The following TMEM132C variants were observed in gnomAD, a reference collection of about 807,000 sequenced individuals.
The protein encoded by TMEM132C is protein phosphatase 1, regulatory subunit 152.
A neutral mutation model predicts 61.4 loss-of-function variants in TMEM132C; 29 were observed. The ratio of observed to expected loss-of-function variants is 0.47; its 90% CI spans 0.35 to 0.64. The LOEUF (loss-of-function observed/expected upper bound fraction) is 0.64. Ranked by LOEUF, TMEM132C falls within the 30% of genes least tolerant of loss-of-function variation. The pLI is 0.00. For missense variants in TMEM132C, 1,408 were observed against 1,476.9 expected (o/e 0.95, Z 0.76); for synonymous variants, 656 against 633.1 (o/e 1.04, Z -0.54).
At chr12:128,340,950 T>G (rs958171057) in intron 1 of TMEM132C, among the ~76,000 whole-genome samples, 30 of 148,702 alleles carry the variant, frequency 2.0e-4, no homozygotes, top group African/African-American at 6.5e-4. Context: ...CTCTCTTTCT[T>G]TCTTTCTTTC....
At chr12:128,450,726 A>T (rs554514331) in intron 2 of TMEM132C, among the ~76,000 whole-genome samples, 2 of 152,362 alleles carry the variant, frequency 1.3e-5, no homozygotes, top group East Asian at 3.9e-4. Context: ...ATAAATAATG[A>T]GATAGTTGGT....
At chr12:128,507,576 G>GT (rs1174962729) in intron 2 of TMEM132C, among the ~76,000 whole-genome samples, 1 of 151,978 alleles carries the variant, frequency 6.6e-6, no homozygotes. Flanking sequence ...AAAAATCTCC[G>GT]TGAGTCCCAA....
At chr12:128,318,444 A>G (rs534151039) in intron 1 of TMEM132C, among the ~76,000 whole-genome samples, 17 of 152,312 alleles carry the variant, frequency 1.1e-4, no homozygotes, top group African/African-American at 2.9e-4. Flanking sequence ...ACACTCCCCT[A>G]GAGGACTAAT....
intron 1 of TMEM132C, among the ~76,000 whole-genome samples, chr12:128,376,237 A>C (rs560434052): frequency 6.6e-6 from 1 of 152,382 alleles, no homozygotes; most frequent in Admixed American, 6.5e-5. Context: ...CTGGGCTTAA[A>C]GTAACCAGGT....
intron 1 of TMEM132C, among the ~76,000 whole-genome samples, chr12:128,271,287 T>G (rs1372722600): frequency 6.8e-6 from 1 of 146,672 alleles, no homozygotes; most frequent in African/African-American, 2.5e-5. Flanking sequence ...ATAATAATAA[T>G]AATAATAATA....
intron 1 of TMEM132C, among the ~76,000 whole-genome samples, chr12:128,386,334 G>A (rs1047417968): frequency 6.6e-6 from 1 of 152,112 alleles, no homozygotes; most frequent in South Asian, 2.1e-4. Flanking sequence ...CTGATGGAAG[G>A]GCCAACGCTT....
chr12:128,369,205 C>T (rs1194049763), intron 1 of TMEM132C, among the ~76,000 whole-genome samples: 3 of 152,198 alleles, frequency 2.0e-5, no homozygotes, highest in African/African-American at 7.2e-5. Flanking sequence ...GTCTTAAGCA[C>T]TTTACACAGA....
chr12:128,320,690 T>G (rs1467095716), intron 1 of TMEM132C, among the ~76,000 whole-genome samples: 4 of 151,874 alleles, frequency 2.6e-5, no homozygotes, highest in Non-Finnish European at 5.9e-5. Context: ...GAAGGATCAC[T>G]TGCACCTGGG....
chr12:128,480,074 G>A (rs546610202), intron 2 of TMEM132C, among the ~76,000 whole-genome samples: 32 of 152,258 alleles, frequency 2.1e-4, no homozygotes, highest in Non-Finnish European at 4.1e-4. Flanking sequence ...CCTGGGCGAT[G>A]TAGTGGGACC....
chr12:128,563,921 T>A (rs1400775471), intron 3 of TMEM132C, among the ~76,000 whole-genome samples: 1 of 152,208 alleles, frequency 6.6e-6, no homozygotes, highest in Non-Finnish European at 1.5e-5. Context: ...GCGATGACCT[T>A]GAGCAATAGG....
intron 2 of TMEM132C, among the ~76,000 whole-genome samples, chr12:128,512,039 A>G (rs1169003729): frequency 6.6e-6 from 1 of 150,468 alleles, no homozygotes; most frequent in Non-Finnish European, 1.5e-5. Context: ...AGGCCCCTCG[A>G]GCTCCGCCCC....
intron 1 of TMEM132C, among the ~76,000 whole-genome samples, chr12:128,363,979 C>A (rs1265618212): frequency 6.6e-6 from 1 of 152,112 alleles, no homozygotes; most frequent in Non-Finnish European, 1.5e-5. Flanking sequence ...GGAAGCAGCC[C>A]TTCCTGGAAG....
chr12:128,508,452 C>T (rs530987412), intron 2 of TMEM132C, among the ~76,000 whole-genome samples: 2 of 152,296 alleles, frequency 1.3e-5, no homozygotes, highest in African/African-American at 2.4e-5. Flanking sequence ...AGTTAACAAC[C>T]GTTTCTCCTG....
chr12:128,404,394 C>G (rs1875267298), intron 1 of TMEM132C: 1 of 152,208 alleles, frequency 6.6e-6, no homozygotes, highest in Non-Finnish European at 1.5e-5. Flanking sequence ...CCTCCCCAAT[C>G]TTTTGGTTAT....
intron 2 of TMEM132C, among the ~76,000 whole-genome samples, chr12:128,458,927 C>T (rs948662568): frequency 6.6e-6 from 1 of 152,196 alleles, no homozygotes; most frequent in Non-Finnish European, 1.5e-5. Context: ...TGTAGTTTTT[C>T]GTTGACATTA....
intron 2 of TMEM132C, among the ~76,000 whole-genome samples, chr12:128,426,531 G>A (rs1011119385): frequency 6.6e-6 from 1 of 152,168 alleles, no homozygotes; most frequent in African/African-American, 2.4e-5. Flanking sequence ...TTTTCCCACA[G>A]TCTGTCTGAA....
At chr12:128,562,098 C>T (rs565609690) in intron 3 of TMEM132C, among the ~76,000 whole-genome samples, 21 of 152,320 alleles carry the variant, frequency 1.4e-4, no homozygotes, top group South Asian at 1.0e-3. Flanking sequence ...CCCCAAACTA[C>T]AGCCTCCGCA....
At chr12:128,535,878 AAG>A (rs1240514549) in intron 2 of TMEM132C, among the ~76,000 whole-genome samples, 1 of 139,436 alleles carries the variant, frequency 7.2e-6, no homozygotes, top group African/African-American at 2.6e-5. Context: ...AAAAAAAAAA[AAG>A]TCAGGAAACA....
chr12:128,380,179 T>G (rs1238206140), intron 1 of TMEM132C, among the ~76,000 whole-genome samples: 1 of 152,274 alleles, frequency 6.6e-6, no homozygotes, highest in Non-Finnish European at 1.5e-5. Context: ...GAAAGGAAGC[T>G]TCAGAAAGAT....
Sources: gnomAD v4.1 joint callset for allele counts (sites outside exome capture counted in the v4.1 genomes callset) on GRCh38, gnomAD v4.1.1 for gene constraint, MANE v1.5 for transcripts, NCBI Gene and HGNC (gene_info 2026-07-23, HGNC 2026-07-21) for gene names.